Variants in ORC1 observed in about 807,000 individuals in gnomAD.
ORC1 encodes the protein origin recognition complex, subunit 1 homolog.
In ORC1, 61 loss-of-function variants were observed where a neutral mutation model predicts 98.9. The observed-to-expected ratio is 0.62, with a 90% confidence interval of 0.50 to 0.76. The LOEUF is 0.76. Among genes scored for constraint, ORC1 ranks in the 30% least tolerant of loss-of-function variants. The pLI is 0.00. For synonymous variants in ORC1, 385 were observed against 406.9 expected (o/e 0.95, Z 0.65); for missense variants, 979 against 1,072.2 (o/e 0.91, Z 1.21).
chr1:52,383,611 A>T, intron 12 of ORC1, 42 bp from the exon 13 acceptor site: 1 of 1,610,250 alleles, frequency 6.2e-7, no homozygotes, highest in Non-Finnish European at 8.5e-7. Context: ...AATCACAGAG[A>T]CTGAGCTGGT....
upstream of ORC1, chr1:52,404,450 C>A (rs934503188): frequency 1.5e-5 from 4 of 268,752 alleles, no homozygotes; most frequent in African/African-American, 4.5e-5. Context: ...CGCCAATCGG[C>A]GTGGCCCCGC....
At position 52,404,376 on chromosome 1, in the gene ORC1, C is replaced by G; in HGVS notation, c.-136G>C. On this transcript the variant is annotated 5_prime_UTR_variant, in exon 1 of 17. Coordinates refer to ENST00000371568, the MANE Select transcript of ORC1 (RefSeq NM_004153.4). Reference sequence around the variant, plus strand: ...TCCTTCTACAACTACGGGCCGAAAGCCAGGACCAAAGCGTGTGTCTCACTA... The same window carrying G: ...TCCTTCTACAACTACGGGCCGAAAGGCAGGACCAAAGCGTGTGTCTCACTA... 1 of 172,294 alleles carries G rather than the reference C, an allele frequency of 5.8e-6. No individual in the cohort carries two copies. Among genetic ancestry groups the G allele is most frequent in the Non-Finnish European group, 1.3e-5 (1 of 78,422 alleles). 10.7% of individuals were successfully genotyped at this position (172,294 alleles called of 1,614,324 possible).
chr1:52,390,901 G>GAAAAAAAAA (rs112674214), intron 6 of ORC1, among the ~76,000 whole-genome samples: 2 of 77,384 alleles, frequency 2.6e-5, no homozygotes, highest in African/African-American at 7.4e-5. Context: ...TCCAAAAAAA[G>GAAAAAAAAA]AAAAAAAAAA....
intron 11 of ORC1, among the ~76,000 whole-genome samples, chr1:52,384,310 TCA>T (rs1647112768): frequency 6.6e-6 from 1 of 152,178 alleles, no homozygotes; most frequent in South Asian, 2.1e-4. Flanking sequence ...ACCTGTAAGC[TCA>T]CAGTTTTCAC....
chr1:52,395,928 G>C (rs1429142067), intron 5 of ORC1, 118 bp downstream of exon 5: 10 of 1,513,688 alleles, frequency 6.6e-6, no homozygotes, highest in East Asian at 4.9e-5. Context: ...ATGATCACTT[G>C]AGTTCCAGGC....
At chr1:52,397,010 T>C (rs1397611805) in intron 4 of ORC1, among the ~76,000 whole-genome samples, 1 of 152,236 alleles carries the variant, frequency 6.6e-6, no homozygotes, top group Non-Finnish European at 1.5e-5. Flanking sequence ...CCTCTCCGCG[T>C]ATACTCATCC....
chr1:52,374,104 C>A (rs1212872993), intron 16 of ORC1, among the ~76,000 whole-genome samples: 2 of 152,164 alleles, frequency 1.3e-5, no homozygotes, highest in Non-Finnish European at 2.9e-5. Flanking sequence ...TGGCACACTG[C>A]AGATGTTCAG....
chr1:52,396,180 C>G lies in ORC1; in HGVS notation c.587G>C (p.Ser196Thr). 1 of 1,614,138 alleles carries G rather than the reference C, an allele frequency of 6.2e-7. No individual in the cohort carries two copies. The highest frequency in any genetic ancestry group is 8.5e-7 in the Non-Finnish European group (1 of 1,180,022). Residue 196 changes from serine (S) to threonine (T), a missense_variant, in exon 5 of 17, where the codon AGT (serine) becomes ACT (threonine). By Grantham distance (58) the Ser-to-Thr change is moderately conservative. Transcript: ENST00000371568. Reference sequence around the variant, plus strand: ...TGGGGTCCAAGAAGGGCTCTCTGCACTCTTACTCTTGGCTCTCACGGGTTT... The same window carrying G: ...TGGGGTCCAAGAAGGGCTCTCTGCAGTCTTACTCTTGGCTCTCACGGGTTT... ...CQKPVRAKSKSAESPSWTPAE... is the reference protein window; with the variant it reads ...CQKPVRAKSKTAESPSWTPAE...
chr1:52,388,395 C>G (rs1162582743), intron 8 of ORC1, 47 bp downstream of exon 8: 1 of 1,498,710 alleles, frequency 6.7e-7, no homozygotes, highest in East Asian at 2.3e-5. Context: ...AACTTTTAAA[C>G]TAAGAGAGGG....
rs111460694 is a variant in ORC1, at chr1:52,399,809, TCACACACACA to T, written c.223+1543_223+1552del. Among the ~76,000 whole-genome samples, 261 of 146,132 alleles carry T rather than the reference TCACACACACA, an allele frequency of 1.8e-3. 2 individuals carry two copies. The highest frequency in any genetic ancestry group is 3.5e-3 in the Middle Eastern group (1 of 286). On this transcript the variant is annotated intron_variant, in intron 3 of 16. Transcript: ENST00000371568. The stretch of plus-strand genomic sequence containing the variant: ...GTGACACAGCAAGATTCTGTCACTG[TCACACACACA>T]CACACACACACACACACACAAGAAT...
At chr1:52,404,913 C>T (rs758760552), upstream of ORC1, 2 of 1,609,168 alleles carry the variant, frequency 1.2e-6, no homozygotes, top group Non-Finnish European at 1.7e-6. Flanking sequence ...CTCTCAGCCC[C>T]CTTGTGGCCC....
At chr1:52,402,065 A>T (rs1245858635) in intron 2 of ORC1, 64 bp downstream of exon 2, 13 of 1,153,012 alleles carry the variant, frequency 1.1e-5, no homozygotes, top group Non-Finnish European at 1.7e-5. Flanking sequence ...CAGGCTAGAT[A>T]CAAGTTGACT....
rs114426997 is a variant in ORC1, at chr1:52,389,218, G to A, written c.1186C>T (p.Arg396Trp). Reference protein sequence around the residue: ...LTMNRIRQQLRFLGNSKSDQE... With the variant: ...LTMNRIRQQLWFLGNSKSDQE... ...CTGCCTGCCAAGGAGTAGTCTTACC[G>A]AAGCTGCTGCCTAATCCGATTCATA... Residue 396 changes from arginine to tryptophan, a missense_variant and splice_region_variant, in exon 7 of 17, where the codon CGG (arginine) becomes TGG (tryptophan). By Grantham distance (101) the Arg-to-Trp change is moderately radical. Transcript: ENST00000371568. 7.3e-4 allele frequency: 1,179 copies of A among 1,611,550 alleles called. 8 individuals carry two copies. In the African/African-American group the frequency reaches 0.013, roughly 18 times the overall value.
intron 14 of ORC1, among the ~76,000 whole-genome samples, chr1:52,379,701 G>A (rs1329317300): frequency 3.3e-5 from 5 of 151,968 alleles, no homozygotes; most frequent in Non-Finnish European, 1.5e-5. Context: ...TTGGGAGGCT[G>A]AGGTGGGTGG....
rs766168395 is a variant in ORC1, at chr1:52,393,529, C to G, written c.996G>C (p.Glu332Asp). 1 of 1,614,148 alleles carries G rather than the reference C, an allele frequency of 6.2e-7. No homozygotes were observed. Among genetic ancestry groups the G allele is most frequent in the Non-Finnish European group, 8.5e-7 (1 of 1,180,020 alleles). The change falls in exon 6 of 17, where the codon GAG becomes GAC. Residue 332 changes from glutamate (E) to aspartate (D), a missense_variant. Transcript: ENST00000371568. Reference sequence around the variant, plus strand: ...CACTGATAGGGGTAAGTGTTCTCTCCTCTCTAATGTCTATGGTTTTCGAAG... The same window carrying G: ...CACTGATAGGGGTAAGTGTTCTCTCGTCTCTAATGTCTATGGTTTTCGAAG... ...IAASKTIDIR[E>D]ERTLTPISGG...
chr1:52,405,726 C>T (rs374112053), upstream of ORC1: 146 of 1,613,800 alleles, frequency 9.0e-5, no homozygotes, highest in African/African-American at 1.4e-3. Context: ...TTGTGGGTGG[C>T]GTCTATGGTG....
At chr1:52,404,483 G>A (rs986901467), upstream of ORC1, 9 of 333,082 alleles carry the variant, frequency 2.7e-5, no homozygotes, top group South Asian at 3.2e-4. Flanking sequence ...CCTTCGTTGC[G>A]ACACCAACTA....
At chr1:52,385,125 T>C (rs753690349) in intron 10 of ORC1, 36 bp downstream of exon 10, 2 of 1,331,044 alleles carry the variant, frequency 1.5e-6, no homozygotes, top group Non-Finnish European at 1.1e-6. Context: ...AGGGGCCTTA[T>C]TCCCCAAACT....
rs188126455 is a variant in ORC1 at position 52,397,114 on chromosome 1, C to T, written c.402+571G>A. On this transcript the variant is annotated intron_variant, in intron 4 of 16. Transcript: ENST00000371568. ...GATAAATTAAGATAATCATGCCAGA[C>T]GAGAGTCTCTACCCTAACGCTCAAT... 1.2e-4 allele frequency among the ~76,000 whole-genome samples: 19 copies of T among 152,278 alleles called. No homozygotes were observed. In the East Asian group the frequency reaches 1.5e-3, roughly 12 times the overall value.
Sources: gnomAD v4.1 joint callset for allele counts (sites outside exome capture counted in the v4.1 genomes callset) on GRCh38, gnomAD v4.1.1 for gene constraint, MANE v1.5 for transcripts, NCBI Gene and HGNC (gene_info 2026-07-23, HGNC 2026-07-21) for gene names.